ATP8A2: variants seen among roughly 807,000 people sequenced by gnomAD.
ATP8A2 encodes the protein ATPase phospholipid transporting 8A2.
In ATP8A2, 100 loss-of-function variants were observed where a neutral mutation model predicts 165.6. The observed-to-expected ratio is 0.60, with a 90% CI of 0.51 to 0.71. The LOEUF is 0.71. Ranked by LOEUF, ATP8A2 falls within the 30% of genes least tolerant of loss-of-function variation. The pLI, the probability that ATP8A2 is intolerant of heterozygous loss-of-function variation, is 0.00. For synonymous variants in ATP8A2, 543 were observed against 548.8 expected (o/e 0.99, Z 0.15); for missense variants, 1,227 against 1,479.5 (o/e 0.83, Z 2.80).
intron 25 of ATP8A2, among the ~76,000 whole-genome samples, chr13:25,728,375 G>T (rs2043540710): frequency 6.6e-6 from 1 of 152,158 alleles, no homozygotes; most frequent in South Asian, 2.1e-4. Flanking sequence ...CAAAAGTAAG[G>T]TTCTCAGCAC....
At chr13:25,379,481 C>T (rs1227652890) in intron 1 of ATP8A2, among the ~76,000 whole-genome samples, 2 of 152,268 alleles carry the variant, frequency 1.3e-5, no homozygotes, top group African/African-American at 4.8e-5. Flanking sequence ...AAGGAGAGAA[C>T]AGTGGCCTGG....
At chr13:26,009,714 G>T (rs1439627738) in intron 35 of ATP8A2, among the ~76,000 whole-genome samples, 2 of 152,216 alleles carry the variant, frequency 1.3e-5, no homozygotes, top group African/African-American at 2.4e-5. Context: ...AGTGTGTGGA[G>T]GAAGGGCTGC....
intron 34 of ATP8A2, among the ~76,000 whole-genome samples, chr13:25,967,618 G>A (rs1238451709): frequency 1.3e-5 from 2 of 152,086 alleles, no homozygotes; most frequent in African/African-American, 2.4e-5. Flanking sequence ...AAATTAAACC[G>A]ATGCAAAGCT....
intron 33 of ATP8A2, among the ~76,000 whole-genome samples, chr13:25,898,492 C>T (rs778268527): frequency 9.7e-4 from 147 of 152,110 alleles, no homozygotes; most frequent in Non-Finnish European, 7.2e-4. Context: ...CTTGAGGAGG[C>T]GGTCTGCCTG....
intron 35 of ATP8A2, among the ~76,000 whole-genome samples, chr13:26,010,114 C>G (rs1956813037): frequency 6.6e-6 from 1 of 152,184 alleles, no homozygotes; most frequent in Non-Finnish European, 1.5e-5. Context: ...CAGAGAAAAG[C>G]ATTCACCACT....
rs576532878 is a variant in ATP8A2, at chr13:25,667,421, G to T, written c.2212-31752G>T. ...GTGAGTTCTCATTTTTAGGAGAATG[G>T]ATTAATTTTCATGAGAAAGGATTAG... On this transcript the variant is annotated intron_variant, in intron 24 of 36. Transcript: ENST00000381655. Among the ~76,000 whole-genome samples, 29 of 152,270 alleles carry T rather than the reference G, an allele frequency of 1.9e-4. No homozygotes were observed. In the East Asian group the frequency reaches 5.4e-3, roughly 28 times the overall value.
At chr13:25,760,434 A>G (rs1474516490) in intron 25 of ATP8A2, among the ~76,000 whole-genome samples, 3 of 152,242 alleles carry the variant, frequency 2.0e-5, no homozygotes, top group African/African-American at 7.2e-5. Context: ...TAGACGCCAT[A>G]TAAAGGTATC....
At chr13:25,466,696 G>T (rs2035677482) in intron 1 of ATP8A2, among the ~76,000 whole-genome samples, 1 of 152,192 alleles carries the variant, frequency 6.6e-6, no homozygotes, top group South Asian at 2.1e-4. Flanking sequence ...CAGGGCCCGG[G>T]AACTAATACA....
intron 30 of ATP8A2, 80 bp downstream of exon 30, chr13:25,839,704 C>A: frequency 9.5e-6 from 11 of 1,155,702 alleles, no homozygotes; most frequent in Admixed American, 1.7e-5. Context: ...TTTTTTTTTC[C>A]AGTTCTGCAG....
At chr13:25,881,835 A>G (rs1327793512) in intron 33 of ATP8A2, among the ~76,000 whole-genome samples, 1 of 152,158 alleles carries the variant, frequency 6.6e-6, no homozygotes, top group African/African-American at 2.4e-5. Flanking sequence ...CCAGCCCAGA[A>G]CTACTGGACT....
rs564633060 is a variant in ATP8A2, at chr13:25,906,905, C to T, written c.3183+44497C>T. On this transcript the variant is annotated intron_variant, in intron 33 of 36. Transcript: ENST00000381655. ...CAGTCAAACAGATAGAAAAGACTCA[C>T]GAAACTGTTTATTGTATTCCAACAA... 3.3e-5 allele frequency among the ~76,000 whole-genome samples: 5 copies of T among 152,284 alleles called. No homozygotes were observed. The South Asian group carries it at 6.2e-4, about 19-fold the overall frequency.
At chr13:25,675,758 A>G (rs1004813225) in intron 24 of ATP8A2, among the ~76,000 whole-genome samples, 1 of 152,164 alleles carries the variant, frequency 6.6e-6, no homozygotes, top group Non-Finnish European at 1.5e-5. Flanking sequence ...GCCGGTGTTC[A>G]TGGGTTGGAC....
chr13:25,503,713 A>G (rs1402222153), intron 2 of ATP8A2, among the ~76,000 whole-genome samples: 1 of 152,212 alleles, frequency 6.6e-6, no homozygotes, highest in African/African-American at 2.4e-5. Flanking sequence ...ATAGTCATAC[A>G]GTCAATTGTG....
At chr13:25,450,744 G>T (rs551648916) in intron 1 of ATP8A2, among the ~76,000 whole-genome samples, 27 of 152,024 alleles carry the variant, frequency 1.8e-4, no homozygotes, top group Non-Finnish European at 2.9e-4. Context: ...TGTTAGCCAG[G>T]ATGGTCTCAA....
chr13:25,813,745 T>C (rs1391663326), intron 27 of ATP8A2, among the ~76,000 whole-genome samples: 1 of 152,118 alleles, frequency 6.6e-6, no homozygotes, highest in Non-Finnish European at 1.5e-5. Context: ...AGGTATTTGG[T>C]CAACATTATT....
chr13:25,581,690 C>T (rs2039781248), intron 22 of ATP8A2, 129 bp from the exon 23 acceptor site: 1 of 916,988 alleles, frequency 1.1e-6, no homozygotes, highest in South Asian at 1.4e-5. Context: ...CATCTGTAGA[C>T]ACAAGTATAA....
chr13:25,860,790 T>C lies in ATP8A2; in HGVS notation c.3019-14T>C. ...GAGAATAATGTGTTTCCAAACTGTC[T>C]TTTATTTTCACAGTATGTTGTTGTT... On this transcript the variant is annotated splice_polypyrimidine_tract_variant and intron_variant, in intron 31 of 36. Transcript: ENST00000381655. 6.3e-7 allele frequency: 1 copy of C among 1,583,442 alleles called. No homozygotes were observed. Among genetic ancestry groups the C allele is most frequent in the Non-Finnish European group, 8.6e-7 (1 of 1,160,248 alleles).
chr13:25,483,677 G>A (rs1428262438), intron 2 of ATP8A2, among the ~76,000 whole-genome samples: 4 of 152,196 alleles, frequency 2.6e-5, no homozygotes, highest in African/African-American at 9.7e-5. Context: ...AAGGCAGGAA[G>A]ATTGTTTGAG....
intron 35 of ATP8A2, among the ~76,000 whole-genome samples, chr13:25,976,078 C>G (rs764522189): frequency 6.6e-6 from 1 of 152,072 alleles, no homozygotes; most frequent in Non-Finnish European, 1.5e-5. Flanking sequence ...GGAGAACTTT[C>G]TCTTGTTTTT....
Sources: gnomAD v4.1 joint callset for allele counts (sites outside exome capture counted in the v4.1 genomes callset) on GRCh38, gnomAD v4.1.1 for gene constraint, MANE v1.5 for transcripts, NCBI Gene and HGNC (gene_info 2026-07-23, HGNC 2026-07-21) for gene names.